SPG11: variants seen among roughly 807,000 people sequenced by gnomAD.
SPG11 encodes SPG11 vesicle trafficking associated, spatacsin, also known as spatacsin.
In SPG11, 222 loss-of-function variants were observed where a neutral mutation model predicts 274.0. That is an observed-to-expected ratio of 0.81 (90% CI 0.73 to 0.91). The LOEUF (loss-of-function observed/expected upper bound fraction) is 0.91. Among genes scored for constraint, SPG11 ranks in the 40% least tolerant of loss-of-function variants. SPG11 has a pLI of 0.00. For synonymous variants in SPG11, 1,144 were observed against 1,039.7 expected (o/e 1.10, Z -1.93); for missense variants, 3,114 against 2,872.7 (o/e 1.08, Z -1.92).
intron 30 of SPG11, among the ~76,000 whole-genome samples, chr15:44,581,251 G>C (rs2082653579): frequency 6.6e-6 from 1 of 152,164 alleles, no homozygotes; most frequent in African/African-American, 2.4e-5. Context: ...TTGTTGCCCA[G>C]GCTGGAGTGC....
At position 44,598,830 on chromosome 15, in the gene SPG11, C is replaced by T; in HGVS notation, c.3693G>A (p.Gln1231=). 6.2e-7 allele frequency: 1 copy of T among 1,614,042 alleles called. No individual in the cohort carries two copies. The highest frequency in any genetic ancestry group is 1.7e-5 in the Admixed American group (1 of 60,020). The change falls in exon 22 of 40, where the codon CAG becomes CAA. Residue 1231 remains glutamine, a synonymous_variant. Coordinates refer to ENST00000261866, the MANE Select transcript of SPG11 (RefSeq NM_025137.4). Reference sequence around the variant, plus strand: ...TAACATAGGCTTCATTGCCTACTTGCTGGATCCTGAAAAAGAAAGGAATCA... The same window carrying T: ...TAACATAGGCTTCATTGCCTACTTGTTGGATCCTGAAAAAGAAAGGAATCA... ...IKSKTPKQLI[Q]QVGNEAYVIG...
intron 20 of SPG11, among the ~76,000 whole-genome samples, chr15:44,603,445 A>G (rs2083245783): frequency 1.3e-5 from 2 of 151,964 alleles, no homozygotes; most frequent in African/African-American, 4.8e-5. Context: ...CCCTCCTATA[A>G]CCTCCATTTG....
intron 15 of SPG11, 54 bp downstream of exon 15, chr15:44,620,136 C>A: frequency 7.3e-7 from 1 of 1,372,326 alleles, no homozygotes; most frequent in Non-Finnish European, 1.0e-6. Flanking sequence ...ATTATTTTTT[C>A]TTGCTCTTCC....
At chr15:44,660,751 G>C in intron 1 of SPG11, 135 bp from the exon 2 acceptor site, 1 of 828,666 alleles carries the variant, frequency 1.2e-6, no homozygotes. Flanking sequence ...TTCAATCTAA[G>C]AGAACATAAA....
intron 15 of SPG11, among the ~76,000 whole-genome samples, chr15:44,615,980 A>G (rs766129436): frequency 1.3e-5 from 2 of 152,254 alleles, no homozygotes; most frequent in Non-Finnish European, 2.9e-5. Flanking sequence ...GAACAAGAAT[A>G]GAAATCTGCA....
chr15:44,657,403 A>T (rs2084973023), intron 3 of SPG11, 107 bp from the exon 4 acceptor site: 2 of 1,021,194 alleles, frequency 2.0e-6, no homozygotes, highest in Non-Finnish European at 1.5e-6. Flanking sequence ...TTTTGTAGGT[A>T]TAACAGAAGA....
At chr15:44,566,387 GA>G in intron 36 of SPG11, 82 bp from the exon 37 acceptor site, 1 of 1,372,332 alleles carries the variant, frequency 7.3e-7, no homozygotes, top group East Asian at 2.4e-5. Flanking sequence ...ATCGTGGCTA[GA>G]ATAGAAACAT....
intron 19 of SPG11, among the ~76,000 whole-genome samples, chr15:44,607,580 T>C (rs2083354253): frequency 6.6e-6 from 1 of 152,178 alleles, no homozygotes; most frequent in Non-Finnish European, 1.5e-5. Flanking sequence ...CTTTATAGAA[T>C]TATAAACCTT....
intron 7 of SPG11, among the ~76,000 whole-genome samples, chr15:44,644,064 G>A (rs191396884): frequency 1.2e-3 from 181 of 152,028 alleles, no homozygotes; most frequent in Non-Finnish European, 2.2e-4. Flanking sequence ...CTACTCAGGA[G>A]GCTGAGGCAG....
At chr15:44,601,019 G>A (rs1234803028) in intron 20 of SPG11, among the ~76,000 whole-genome samples, 2 of 152,156 alleles carry the variant, frequency 1.3e-5, no homozygotes, top group Admixed American at 1.3e-4. Context: ...AGATGTGGCG[G>A]TGCATGCCTG....
intron 15 of SPG11, 143 bp from the exon 16 acceptor site, chr15:44,615,709 G>C (rs1231542270): frequency 3.8e-6 from 3 of 780,372 alleles, no homozygotes; most frequent in Non-Finnish European, 4.2e-6. Flanking sequence ...TATGTTCTCA[G>C]ACACATTTTT....
intron 7 of SPG11, among the ~76,000 whole-genome samples, chr15:44,647,638 T>C (rs962709834): frequency 9.2e-5 from 14 of 152,204 alleles, no homozygotes; most frequent in African/African-American, 3.4e-4. Flanking sequence ...TTTGAAAACA[T>C]GCTAGGTCAA....
chr15:44,583,798 G>T lies in SPG11; in HGVS notation c.5866+16C>A, dbSNP rs530748278. On this transcript the variant is annotated intron_variant, in intron 30 of 39. Coordinates refer to ENST00000261866, the MANE Select transcript of SPG11 (RefSeq NM_025137.4). The stretch of plus-strand genomic sequence containing the variant: ...TGCCATTTAAGACTCTGGGCCATCT[G>T]ATCTCCTTCACTTACTGCTGTGGAC... 6.8e-5 allele frequency: 110 copies of T among 1,614,030 alleles called. 3 individuals carry two copies. The South Asian group carries it at 1.1e-3, about 17-fold the overall frequency.
At position 44,651,808 on chromosome 15, in the gene SPG11, C is replaced by T. The variant is rs1167196165; in HGVS notation, c.1139G>A (p.Ser380Asn). Residue 380 changes from serine to asparagine, a missense_variant, in exon 6 of 40, where the codon AGT becomes AAT. Physicochemically the swap from Ser to Asn is conservative, Grantham distance 46 (BLOSUM62 1). Coordinates refer to ENST00000261866, the MANE Select transcript of SPG11 (RefSeq NM_025137.4). ...TGGAATGAAGGCCCAGCTCTGCACA[C>T]TTGTACTGTGGTTACCAGATTCAGG... ...ESPESGNHST[S>N]VQSWAFIPQD... The T allele has an allele frequency of 1.9e-6, 3 of 1,614,190 alleles. No homozygotes were observed. In the East Asian group the frequency reaches 6.7e-5, roughly 36 times the overall value.
chr15:44,612,263 G>A (rs2083480144), intron 17 of SPG11, among the ~76,000 whole-genome samples: 1 of 152,172 alleles, frequency 6.6e-6, no homozygotes, highest in Admixed American at 6.5e-5. Context: ...TTTGTTGGGT[G>A]AATGAAATAC....
Position 44,659,305 on chromosome 15 carries a change from T to C in SPG11, c.443-2A>G. 3 of 1,607,680 alleles carry C rather than the reference T, an allele frequency of 1.9e-6. No individual in the cohort carries two copies. Among genetic ancestry groups the C allele is most frequent in the Non-Finnish European group, 2.6e-6 (3 of 1,174,240 alleles). On this transcript the variant is annotated splice_acceptor_variant, in intron 2 of 39. Coordinates refer to ENST00000261866, the MANE Select transcript of SPG11 (RefSeq NM_025137.4). LOFTEE classifies it high-confidence loss of function. ...TTCTCAAAGACAATAAGGAAATACCTACAAAACAAAAGGATATTATTTCAA... is the reference window on the plus strand; with the variant it reads ...TTCTCAAAGACAATAAGGAAATACCCACAAAACAAAAGGATATTATTTCAA...
At chr15:44,563,327 G>T in intron 39 of SPG11, 26 bp from the exon 40 acceptor site, 1 of 1,598,346 alleles carries the variant, frequency 6.3e-7, no homozygotes, top group Non-Finnish European at 8.6e-7. Flanking sequence ...TAATGTACAG[G>T]TTAAGATACT....
At chr15:44,654,030 T>C (rs1311917263) in intron 4 of SPG11, among the ~76,000 whole-genome samples, 2 of 152,186 alleles carry the variant, frequency 1.3e-5, no homozygotes, top group Non-Finnish European at 2.9e-5. Flanking sequence ...GACAGCTCAC[T>C]GTAGCCTTGA....
Position 44,615,394 on chromosome 15 carries a change from G to A in SPG11, c.3007C>T (p.His1003Tyr). Residue 1003 changes from histidine to tyrosine, a missense_variant, in exon 16 of 40, where the codon CAT becomes TAT. Coordinates refer to ENST00000261866, the MANE Select transcript of SPG11 (RefSeq NM_025137.4). ...CAGTCAAGGTAGACATAAAGAAGAT[G>A]CTGCAGACTGTGCTCCAAACAATAG... The part of the protein sequence containing the change: ...ILYCLEHSLQ[H>Y]LLYVYLDCYK... The A allele has an allele frequency of 6.2e-7, 1 of 1,614,000 alleles. No individual in the cohort carries two copies. The highest frequency in any genetic ancestry group is 1.1e-5 in the South Asian group (1 of 91,080).
Sources: gnomAD v4.1 joint callset for allele counts (sites outside exome capture counted in the v4.1 genomes callset) on GRCh38, gnomAD v4.1.1 for gene constraint, MANE v1.5 for transcripts, NCBI Gene and HGNC (gene_info 2026-07-23, HGNC 2026-07-21) for gene names.